CSMD1: variants seen among roughly 807,000 people sequenced by gnomAD.
CSMD1 encodes CUB and sushi domain-containing protein 1.
In CSMD1, 213 loss-of-function variants were observed where a neutral mutation model predicts 417.5. The observed-to-expected ratio is 0.51, with a 90% confidence interval of 0.46 to 0.57. The LOEUF is 0.57. Ranked by LOEUF, CSMD1 falls within the 20% of genes least tolerant of loss-of-function variation. CSMD1 has a pLI of 0.00. For missense variants in CSMD1, 6,923 were observed against 4,529.7 expected (o/e 1.53, Z -15.17); for synonymous variants, 2,862 against 1,736.8 (o/e 1.65, Z -16.11).
intron 26 of CSMD1, 95 bp from the exon 27 acceptor site, chr8:3,230,326 A>G (rs1308743056): frequency 1.1e-6 from 1 of 950,916 alleles, no homozygotes; most frequent in Admixed American, 3.3e-5. Flanking sequence ...AGCACTCTTC[A>G]TTGGCCTAAT....
At chr8:3,186,037 T>TAA (rs34730717) in intron 36 of CSMD1, among the ~76,000 whole-genome samples, 1 of 143,186 alleles carries the variant, frequency 7.0e-6, no homozygotes, top group African/African-American at 2.6e-5. Flanking sequence ...TCTTACATCT[T>TAA]AAAAAAAAAA....
chr8:4,742,581 A>G (rs947602210), intron 1 of CSMD1, among the ~76,000 whole-genome samples: 1 of 152,086 alleles, frequency 6.6e-6, no homozygotes, highest in Admixed American at 6.5e-5. Context: ...TTTTTTATTT[A>G]GCCATTATTA....
chr8:4,291,486 C>T (rs1797361044), intron 3 of CSMD1, among the ~76,000 whole-genome samples: 1 of 152,032 alleles, frequency 6.6e-6, no homozygotes. Context: ...TCTACTAATT[C>T]CCAGTGATTC....
chr8:3,919,283 G>C (rs371938588), intron 5 of CSMD1, among the ~76,000 whole-genome samples: 25 of 151,770 alleles, frequency 1.6e-4, no homozygotes, highest in African/African-American at 5.8e-4. Context: ...TTGCGGGTTT[G>C]GGTATCGCAC....
intron 5 of CSMD1, among the ~76,000 whole-genome samples, chr8:3,991,331 AG>A (rs1814730607): frequency 6.6e-6 from 1 of 152,214 alleles, no homozygotes; most frequent in African/African-American, 2.4e-5. Context: ...GTTGTGGCGT[AG>A]TCTGGGATGG....
chr8:3,545,102 G>C (rs1016787469), intron 10 of CSMD1, among the ~76,000 whole-genome samples: 1 of 152,050 alleles, frequency 6.6e-6, no homozygotes, highest in Non-Finnish European at 1.5e-5. Context: ...TAAAACCTAG[G>C]ACAGGTATCA....
At chr8:4,584,734 C>G (rs958399159) in intron 2 of CSMD1, among the ~76,000 whole-genome samples, 1 of 152,170 alleles carries the variant, frequency 6.6e-6, no homozygotes, top group East Asian at 1.9e-4. Context: ...CCCTTGCCCT[C>G]TGGGTCCTAA....
intron 3 of CSMD1, among the ~76,000 whole-genome samples, chr8:4,152,033 C>A (rs1235295947): frequency 6.6e-6 from 1 of 152,062 alleles, no homozygotes; most frequent in Non-Finnish European, 1.5e-5. Context: ...TAGCTCGATA[C>A]CTTCATTTGA....
At chr8:4,923,826 C>T (rs139591301) in intron 1 of CSMD1, among the ~76,000 whole-genome samples, 85 of 152,168 alleles carry the variant, frequency 5.6e-4, no homozygotes, top group Middle Eastern at 6.8e-3. Context: ...AATGAGTTTT[C>T]AATAATAAAT....
At chr8:4,637,039 G>A (rs1802860024) in intron 2 of CSMD1, among the ~76,000 whole-genome samples, 1 of 152,140 alleles carries the variant, frequency 6.6e-6, no homozygotes, top group Non-Finnish European at 1.5e-5. Flanking sequence ...TGGAACATGG[G>A]AGGGGACAAA....
intron 1 of CSMD1, among the ~76,000 whole-genome samples, chr8:4,871,611 T>G (rs562517265): frequency 4.5e-4 from 68 of 152,242 alleles, no homozygotes; most frequent in Non-Finnish European, 8.8e-4. Flanking sequence ...CATGAAACAG[T>G]TGGAAAGCCA....
At chr8:4,474,267 T>A (rs910239531) in intron 2 of CSMD1, among the ~76,000 whole-genome samples, 15 of 152,266 alleles carry the variant, frequency 9.9e-5, no homozygotes, top group African/African-American at 3.6e-4. Flanking sequence ...ATGTTTATGT[T>A]TATAAATAGT....
intron 1 of CSMD1, among the ~76,000 whole-genome samples, chr8:4,824,252 C>G (rs933376459): frequency 6.6e-6 from 1 of 151,930 alleles, no homozygotes; most frequent in Non-Finnish European, 1.5e-5. Flanking sequence ...CTAGAGATCT[C>G]AACAAGAAAA....
intron 26 of CSMD1, among the ~76,000 whole-genome samples, chr8:3,249,136 T>C (rs2117020155): frequency 6.6e-6 from 1 of 152,246 alleles, no homozygotes; most frequent in South Asian, 2.1e-4. Context: ...CCCTAGCAGG[T>C]ATTAAATAGT....
rs144222624 is a variant in CSMD1 at position 3,998,809 on chromosome 8, CTTCT to C, written c.611-703_611-700del. ...GTAAGTTTGCTATAGAGTAAAAAAG[CTTCT>C]TTGTTACATTTATTTTATCTATTAC... On this transcript the variant is annotated intron_variant, in intron 4 of 69. Transcript: ENST00000635120. Among the ~76,000 whole-genome samples the C allele has an allele frequency of 7.7e-3, 1,161 of 151,382 alleles. 56 individuals carry two copies. The East Asian group carries it at 0.13, about 17-fold the overall frequency.
chr8:3,493,480 G>A, intron 11 of CSMD1, 143 bp downstream of exon 11: 1 of 594,680 alleles, frequency 1.7e-6, no homozygotes, highest in Non-Finnish European at 3.0e-6. Context: ...TACAAAATGA[G>A]ATTGCAGGCC....
intron 4 of CSMD1, among the ~76,000 whole-genome samples, chr8:3,998,715 A>G (rs973499522): frequency 1.4e-4 from 21 of 152,154 alleles, no homozygotes; most frequent in African/African-American, 5.1e-4. Flanking sequence ...AGGCCAGTAA[A>G]GATAAAAGTG....
At chr8:4,091,752 T>A (rs1399148796) in intron 3 of CSMD1, among the ~76,000 whole-genome samples, 5 of 152,348 alleles carry the variant, frequency 3.3e-5, no homozygotes, top group African/African-American at 9.6e-5. Flanking sequence ...AAATGTATCC[T>A]GTATTTAACA....
intron 3 of CSMD1, among the ~76,000 whole-genome samples, chr8:4,101,250 G>C (rs1053254005): frequency 2.6e-5 from 4 of 152,136 alleles, no homozygotes; most frequent in African/African-American, 9.7e-5. Flanking sequence ...TCTCCCCTGA[G>C]GTTAACTCAT....
Sources: allele counts gnomAD v4.1 joint callset (sites outside exome capture counted in the v4.1 genomes callset), GRCh38; gene constraint gnomAD v4.1.1; transcripts MANE v1.5; gene names NCBI Gene and HGNC (gene_info 2026-07-23, HGNC 2026-07-21).